SHROOM3: variants seen among roughly 807,000 people sequenced by gnomAD.
The protein encoded by SHROOM3 is protein Shroom3.
Under a neutral mutation model 138.6 loss-of-function variants are expected in SHROOM3, and 47 were observed. The ratio of observed to expected loss-of-function variants is 0.34; its 90% CI spans 0.27 to 0.43. The LOEUF is 0.43. Ranked by LOEUF, SHROOM3 falls within the 20% of genes least tolerant of loss-of-function variation. The pLI, the probability that SHROOM3 is intolerant of heterozygous loss-of-function variation, is 1.00. For synonymous variants in SHROOM3, 1,062 were observed against 1,063.3 expected (o/e 1.00, Z 0.02); for missense variants, 2,491 against 2,596.5 (o/e 0.96, Z 0.88).
In SHROOM3 at chr4:76,453,401, C is replaced by A. The variant is rs575493741; in HGVS notation, c.168+17181C>A. ...TCAAGTGATCCTCCTGCCTCAGCCT[C>A]CAGAGTATCTGGGACTACAGATGCA... On this transcript the variant is annotated intron_variant, in intron 1 of 10. Transcript: ENST00000296043. Among the ~76,000 whole-genome samples, 13 of 152,096 alleles carry A rather than the reference C, an allele frequency of 8.5e-5. No homozygotes were observed. The South Asian group carries it at 2.5e-3, about 29-fold the overall frequency.
At chr4:76,765,827 C>T (rs1019361423) in intron 9 of SHROOM3, among the ~76,000 whole-genome samples, 2 of 152,168 alleles carry the variant, frequency 1.3e-5, no homozygotes, top group Non-Finnish European at 2.9e-5. Context: ...TTTCTGGCCT[C>T]CATTTCAACA....
At position 76,494,136 on chromosome 4, in the gene SHROOM3, C is replaced by A. The variant is rs138109139; in HGVS notation, c.168+57916C>A. ...GCCCCCTCCCTAATTCAATTAATATCTGCTGGTGTGTGCCCCAGATTGATT... is the reference window on the plus strand; with the variant it reads ...GCCCCCTCCCTAATTCAATTAATATATGCTGGTGTGTGCCCCAGATTGATT... On this transcript the variant is annotated intron_variant, in intron 1 of 10. Transcript: ENST00000296043. Among the ~76,000 whole-genome samples, 860 of 148,984 alleles carry A rather than the reference C, an allele frequency of 5.8e-3. 9 individuals are homozygous for A. Among genetic ancestry groups the A allele is most frequent in the African/African-American group, 0.02 (822 of 40,708 alleles).
chr4:76,491,545 G>A (rs1731849570), intron 1 of SHROOM3, among the ~76,000 whole-genome samples: 1 of 152,188 alleles, frequency 6.6e-6, no homozygotes, highest in Non-Finnish European at 1.5e-5. Flanking sequence ...AAAAAGTCTA[G>A]CAAGAAAAAC....
chr4:76,779,008 A>G lies in SHROOM3; in HGVS notation c.5822A>G (p.Lys1941Arg), dbSNP rs966891281. 1.2e-6 allele frequency: 2 copies of G among 1,614,196 alleles called. No individual in the cohort carries two copies. The highest frequency in any genetic ancestry group is 4.5e-5 in the East Asian group (2 of 44,886). The change falls in exon 11 of 11, where the codon AAG becomes AGG. Residue 1941 changes from lysine to arginine, a missense_variant. Physicochemically the swap from Lys to Arg is conservative, Grantham distance 26. Transcript: ENST00000296043. The stretch of plus-strand genomic sequence containing the variant: ...ATTGAGCAACGGAAGCTGGATGACA[A>G]GATCAAGCTGGGCCAGGAGCAGGTC... ...LLIEQRKLDD[K>R]IKLGQEQVKC... is the part of the protein sequence containing the mutation.
intron 1 of SHROOM3, among the ~76,000 whole-genome samples, chr4:76,538,119 G>A (rs11736060): frequency 0.078 from 11,811 of 152,158 alleles, 628 homozygotes; most frequent in East Asian, 0.16. Context: ...GGCTGGTCTC[G>A]AACTCTTGAC....
At chr4:76,744,317 TCTTTTGTACTG>T (rs1174040228) in intron 5 of SHROOM3, among the ~76,000 whole-genome samples, 1 of 152,232 alleles carries the variant, frequency 6.6e-6, no homozygotes, top group Non-Finnish European at 1.5e-5. Context: ...ATGAAATACT[TCTTTTGTACTG>T]CTTTGCTCCA....
At chr4:76,666,390 C>T (rs1260613387) in intron 2 of SHROOM3, among the ~76,000 whole-genome samples, 3 of 152,196 alleles carry the variant, frequency 2.0e-5, no homozygotes, top group South Asian at 4.1e-4. Context: ...CACCTCAGTC[C>T]CCTGAGTAGG....
At chr4:76,602,737 G>A (rs1734532030) in intron 2 of SHROOM3, among the ~76,000 whole-genome samples, 1 of 152,184 alleles carries the variant, frequency 6.6e-6, no homozygotes, top group Non-Finnish European at 1.5e-5. Context: ...TACGACAGAA[G>A]AGTTAGGAAG....
rs771615558 is a variant in SHROOM3, at chr4:76,739,008, G to A, written c.835G>A (p.Gly279Ser). The change falls in exon 5 of 11, where the codon GGC becomes AGC. Residue 279 changes from glycine to serine, a missense_variant. By Grantham distance (56) the Gly-to-Ser change is moderately conservative. This residue lies in a region of SHROOM3 where 1,733 missense variants were observed against 1,661.6 expected (regional missense o/e 1.04). Transcript: ENST00000296043. ...ILEYPHPGIS[G>S]RERSGSMDNT... ...AGAGTATCCACACCCTGGCATCTCT[G>A]GCCGGGAGCGTTCAGGCTCCATGGA... 9 of 1,614,058 alleles carry A rather than the reference G, an allele frequency of 5.6e-6. No homozygotes were observed. The South Asian group carries it at 8.8e-5, about 16-fold the overall frequency.
intron 2 of SHROOM3, among the ~76,000 whole-genome samples, chr4:76,623,464 C>T (rs2110067521): frequency 6.6e-6 from 1 of 152,296 alleles, no homozygotes; most frequent in East Asian, 1.9e-4. Context: ...AAGTTAATTG[C>T]CAGAGGTTCC....
At chr4:76,759,012 C>T (rs1721906674) in intron 8 of SHROOM3, among the ~76,000 whole-genome samples, 2 of 152,102 alleles carry the variant, frequency 1.3e-5, no homozygotes, top group Admixed American at 1.3e-4. Flanking sequence ...CAGCAAACTG[C>T]AGATTTCCCA....
At chr4:76,559,236 G>C (rs1733549879) in intron 2 of SHROOM3, 2 of 152,088 alleles carry the variant, frequency 1.3e-5, no homozygotes, top group East Asian at 1.9e-4. Context: ...TTATAGATGG[G>C]GATTATCAAC....
rs116293957 is a variant in SHROOM3 at position 76,532,524 on chromosome 4, A to G, written c.169-23085A>G. ...CCCCATTGGGTGCCAGAAACCATGG[A>G]CAGTACCGAATCCAATTGTCATCAG... On this transcript the variant is annotated intron_variant, in intron 1 of 10. Transcript: ENST00000296043. Among the ~76,000 whole-genome samples, 494 of 152,288 alleles carry G rather than the reference A, an allele frequency of 3.2e-3. 5 individuals carry two copies. The highest frequency in any genetic ancestry group is 0.011 in the African/African-American group (468 of 41,556).
In SHROOM3 at chr4:76,754,737, G is replaced by T; in HGVS notation, c.4254G>T (p.Lys1418Asn). ...ATGGGGTAGAAGAGGGAACGAGGAA[G>T]AGGGTCTCGCTGCCTCAGTGGCCAC... is the stretch of plus-strand genomic sequence containing the variant. Reference protein sequence around the residue: ...PEHGVEEGTRKRVSLPQWPPP... With the variant: ...PEHGVEEGTRNRVSLPQWPPP... Residue 1418 changes from lysine (K) to asparagine (N), a missense_variant, in exon 7 of 11, where the codon AAG becomes AAT. Physicochemically the swap from Lys to Asn is moderately conservative, Grantham distance 94. Transcript: ENST00000296043. 6.2e-7 allele frequency: 1 copy of T among 1,614,228 alleles called. No individual in the cohort carries two copies. Among genetic ancestry groups the T allele is most frequent in the Non-Finnish European group, 8.5e-7 (1 of 1,180,030 alleles).
intron 4 of SHROOM3, among the ~76,000 whole-genome samples, chr4:76,735,858 AAAAAAAAAAAATATATATATATATATAT>A (rs1424119985): frequency 3.4e-4 from 18 of 52,894 alleles, no homozygotes; most frequent in African/African-American, 1.0e-3. Flanking sequence ...AAAAAAAAAA[AAAAAAAAAAAATATATATATATATATAT>A]ATATATATAT....
rs116645683 is a variant in SHROOM3, at chr4:76,770,985, C to A, written c.5622+87C>A. ...CGCCATTAGACGCCATCCTTTCTCT[C>A]AGGAAGATTTGTGGCAATCTCTTTG... On this transcript the variant is annotated intron_variant, in intron 10 of 10. Coordinates refer to ENST00000296043, the MANE Select transcript of SHROOM3 (RefSeq NM_020859.4). 3.5e-4 allele frequency: 546 copies of A among 1,544,218 alleles called. No individual in the cohort carries two copies. In the African/African-American group the frequency reaches 6.7e-3, roughly 19 times the overall value.
At chr4:76,492,175 A>C (rs1731867392) in intron 1 of SHROOM3, among the ~76,000 whole-genome samples, 1 of 152,164 alleles carries the variant, frequency 6.6e-6, no homozygotes, top group Admixed American at 6.5e-5. Context: ...TGGGCGAAAG[A>C]AGTATTTTCC....
At chr4:76,598,966 G>T (rs371239382) in intron 2 of SHROOM3, among the ~76,000 whole-genome samples, 1 of 152,196 alleles carries the variant, frequency 6.6e-6, no homozygotes, top group Non-Finnish European at 1.5e-5. Flanking sequence ...AATAATGGGG[G>T]CCTGAATGAC....
intron 2 of SHROOM3, among the ~76,000 whole-genome samples, chr4:76,652,814 T>C (rs1178727071): frequency 6.6e-6 from 1 of 151,990 alleles, no homozygotes; most frequent in Non-Finnish European, 1.5e-5. Flanking sequence ...TGTGTATATA[T>C]ATACATATAC....
Sources: allele counts gnomAD v4.1 joint callset (sites outside exome capture counted in the v4.1 genomes callset), GRCh38; gene constraint gnomAD v4.1.1; regional missense constraint gnomAD v4.1.1; transcripts MANE v1.5; gene names NCBI Gene and HGNC (gene_info 2026-07-23, HGNC 2026-07-21).